The following GRM1 variants were observed in gnomAD, a reference collection of about 807,000 sequenced individuals.
The protein encoded by GRM1 is metabotropic glutamate receptor 1.
A neutral mutation model predicts 90.9 loss-of-function variants in GRM1; 33 were observed. The ratio of observed to expected loss-of-function variants is 0.36; its 90% CI spans 0.28 to 0.49. GRM1 has a LOEUF of 0.49. Ranked by LOEUF, GRM1 falls within the 20% of genes least tolerant of loss-of-function variation. GRM1 has a pLI of 0.99. For missense variants in GRM1, 1,190 were observed against 1,534.3 expected (o/e 0.78, Z 3.75); for synonymous variants, 700 against 613.2 (o/e 1.14, Z -2.09).
intron 1 of GRM1, among the ~76,000 whole-genome samples, chr6:146,107,275 A>C (rs1487998995): frequency 2.0e-5 from 3 of 152,244 alleles, no homozygotes; most frequent in African/African-American, 7.2e-5. Context: ...ATAAAGGTAC[A>C]ATACATAAAA....
Position 146,426,413 on chromosome 6 carries a change from A to C in GRM1, c.2661-7459A>C. 4 of 665,760 alleles carry C rather than the reference A, an allele frequency of 6.0e-6. No individual in the cohort carries two copies. In the South Asian group the frequency reaches 7.8e-5, roughly 13 times the overall value. 41.2% of individuals were successfully genotyped at this position (665,760 alleles called of 1,614,324 possible). On this transcript the variant is annotated intron_variant, in intron 7 of 7. Coordinates refer to ENST00000282753, the MANE Select transcript of GRM1 (RefSeq NM_001278064.2). ...GCCTGGCAATGAGAAACAGCCAGGCAGAGCAAGGACCATAGAGCAAACGGA... is the reference window on the plus strand; with the variant it reads ...GCCTGGCAATGAGAAACAGCCAGGCCGAGCAAGGACCATAGAGCAAACGGA...
chr6:146,380,050 T>C (rs1447477914), intron 5 of GRM1, among the ~76,000 whole-genome samples: 1 of 152,032 alleles, frequency 6.6e-6, no homozygotes, highest in Non-Finnish European at 1.5e-5. Context: ...TTTGCCATAG[T>C]TGTGCTGACC....
At chr6:146,387,078 C>T in intron 6 of GRM1, 62 bp downstream of exon 6, 1 of 1,494,448 alleles carries the variant, frequency 6.7e-7, no homozygotes, top group Non-Finnish European at 9.3e-7. Flanking sequence ...TGTGTCCATC[C>T]CTCAAATGAG....
In GRM1 at chr6:146,173,389, CA is replaced by C. The variant is rs71028382; in HGVS notation, c.950+13802del. On this transcript the variant is annotated intron_variant, in intron 2 of 7. Transcript: ENST00000282753. ...GGGCAACAAGAGTGAAACTCTGTCTCAAAAAAAAAAGAAAAGAAAAGAAAAA... is the reference window on the plus strand; with the variant it reads ...GGGCAACAAGAGTGAAACTCTGTCTCAAAAAAAAAGAAAAGAAAAGAAAAA... Among the ~76,000 whole-genome samples, 701 of 82,478 alleles carry C rather than the reference CA, an allele frequency of 8.5e-3. 3 individuals carry two copies. The highest frequency in any genetic ancestry group is 0.021 in the African/African-American group (524 of 24,514). 54.1% of individuals were successfully genotyped at this position (82,478 alleles called of 152,430 possible).
intron 2 of GRM1, among the ~76,000 whole-genome samples, chr6:146,267,669 TGGG>T (rs1348487523): frequency 2.2e-4 from 18 of 80,476 alleles, no homozygotes; most frequent in Middle Eastern, 4.4e-3. Flanking sequence ...TGGGCTGGGC[TGGG>T]CTGGGCTGGG....
At chr6:146,380,549 T>C (rs948596821) in intron 5 of GRM1, among the ~76,000 whole-genome samples, 1 of 152,170 alleles carries the variant, frequency 6.6e-6, no homozygotes, top group African/African-American at 2.4e-5. Flanking sequence ...AGTGGGCTCC[T>C]GTCTGGCCCA....
chr6:146,269,809 G>A (rs1043331346), intron 2 of GRM1, among the ~76,000 whole-genome samples: 2 of 138,452 alleles, frequency 1.4e-5, no homozygotes, highest in African/African-American at 3.5e-5. Flanking sequence ...CCATGAAACT[G>A]GTCCCTGGTG....
chr6:146,173,549 G>GTATT (rs1778221769), intron 2 of GRM1, among the ~76,000 whole-genome samples: 3 of 151,996 alleles, frequency 2.0e-5, no homozygotes, highest in African/African-American at 7.2e-5. Context: ...AAGAGCCACT[G>GTATT]CCTTAATCAT....
At chr6:146,405,648 G>A (rs1777318516) in intron 7 of GRM1, among the ~76,000 whole-genome samples, 1 of 152,154 alleles carries the variant, frequency 6.6e-6, no homozygotes, top group Admixed American at 6.5e-5. Context: ...TTGGGAGATA[G>A]AGGATATAGA....
At chr6:146,290,732 A>G (rs1320659918) in intron 2 of GRM1, among the ~76,000 whole-genome samples, 1 of 152,188 alleles carries the variant, frequency 6.6e-6, no homozygotes, top group Non-Finnish European at 1.5e-5. Context: ...CTAATTTCAC[A>G]GGCATAGATG....
At chr6:146,036,865 T>C (rs1790909006) in intron 1 of GRM1, among the ~76,000 whole-genome samples, 1 of 151,932 alleles carries the variant, frequency 6.6e-6, no homozygotes, top group Admixed American at 6.6e-5. Flanking sequence ...GTGACTATTA[T>C]GCATCACATA....
At chr6:146,055,447 G>A (rs1775451495) in intron 1 of GRM1, among the ~76,000 whole-genome samples, 1 of 152,040 alleles carries the variant, frequency 6.6e-6, no homozygotes, top group Admixed American at 6.6e-5. Flanking sequence ...TCCTGAGAAT[G>A]AGAAATTTCA....
chr6:146,222,068 A>G (rs1038282694), intron 2 of GRM1, among the ~76,000 whole-genome samples: 5 of 152,078 alleles, frequency 3.3e-5, no homozygotes, highest in Admixed American at 3.3e-4. Flanking sequence ...AGGTAGCAAC[A>G]TTTGGGTGGT....
At chr6:146,207,996 G>C (rs1279285666) in intron 2 of GRM1, among the ~76,000 whole-genome samples, 1 of 152,008 alleles carries the variant, frequency 6.6e-6, no homozygotes, top group Non-Finnish European at 1.5e-5. Context: ...TCTTGCAAAA[G>C]ACCTCTTTCT....
chr6:146,260,981 T>A (rs138802456), intron 2 of GRM1, among the ~76,000 whole-genome samples: 1 of 152,034 alleles, frequency 6.6e-6, no homozygotes, highest in African/African-American at 2.4e-5. Flanking sequence ...GGTAGAGACA[T>A]TGAGTGAAAG....
rs138840977 is a variant in GRM1 at position 146,399,019 on chromosome 6, G to A, written c.1980G>A (p.Gln660=). 5.1e-4 allele frequency: 822 copies of A among 1,614,028 alleles called. 5 individuals carry two copies. The African/African-American group carries it at 9.7e-3, about 19-fold the overall frequency. Residue 660 remains glutamine (Q), a synonymous_variant, in exon 7 of 8, where the codon CAG becomes CAA. Transcript: ENST00000282753. The surrounding 1 kb of genome is among the most constrained non-coding windows in gnomAD (Gnocchi z 5.4). The part of the protein sequence containing the change: ...AKPTTTSCYL[Q]RLLVGLSSAM... ...CTACTACCACCTCCTGCTACCTCCA[G>A]CGCCTCTTGGTTGGCCTCTCCTCTG...
chr6:146,303,721 T>C (rs978941969), intron 2 of GRM1, among the ~76,000 whole-genome samples: 10 of 152,164 alleles, frequency 6.6e-5, no homozygotes, highest in South Asian at 2.1e-4. Context: ...CACCCGGGAC[T>C]AAAAACCTTC....
At chr6:146,088,624 T>C (rs1281370381) in intron 1 of GRM1, among the ~76,000 whole-genome samples, 2 of 152,142 alleles carry the variant, frequency 1.3e-5, no homozygotes, top group Non-Finnish European at 2.9e-5. Flanking sequence ...CTTACCAGGA[T>C]GCCAGTAGAT....
chr6:146,304,272 G>C (rs940344730), intron 2 of GRM1, among the ~76,000 whole-genome samples: 1 of 152,092 alleles, frequency 6.6e-6, no homozygotes, highest in Non-Finnish European at 1.5e-5. Flanking sequence ...TTCTGGTTTG[G>C]AGAGTGACTG....
Sources: allele counts gnomAD v4.1 joint callset (sites outside exome capture counted in the v4.1 genomes callset), GRCh38; gene constraint gnomAD v4.1.1; non-coding constraint Gnocchi (gnomAD v3.1); transcripts MANE v1.5; gene names NCBI Gene and HGNC (gene_info 2026-07-23, HGNC 2026-07-21).